SORCS1: variants seen among roughly 807,000 people sequenced by gnomAD.
SORCS1 encodes the protein sortilin related VPS10 domain containing receptor 1, also known as VPS10 domain-containing receptor SorCS1.
A neutral mutation model predicts 146.1 loss-of-function variants in SORCS1; 60 were observed. The ratio of observed to expected loss-of-function variants is 0.41; its 90% CI spans 0.33 to 0.51. The LOEUF is 0.51. SORCS1 is among the 20% of genes least tolerant of loss of function. The pLI is 0.21. For synonymous variants in SORCS1, 637 were observed against 584.0 expected (o/e 1.09, Z -1.31); for missense variants, 1,352 against 1,487.6 (o/e 0.91, Z 1.50).
chr10:107,080,629 A>G (rs1229670310), intron 1 of SORCS1, among the ~76,000 whole-genome samples: 1 of 152,218 alleles, frequency 6.6e-6, no homozygotes, highest in African/African-American at 2.4e-5. Flanking sequence ...AACCGACACA[A>G]TAAGAAAGTA....
chr10:107,003,878 T>A (rs1485305239), intron 1 of SORCS1, among the ~76,000 whole-genome samples: 1 of 152,062 alleles, frequency 6.6e-6, no homozygotes, highest in African/African-American at 2.4e-5. Flanking sequence ...AAATCCCTTT[T>A]TAAAGCAGAG....
rs76058890 is a variant in SORCS1 at position 107,158,998 on chromosome 10, T to C, written c.558+4971A>G. Among the ~76,000 whole-genome samples, 1,033 of 146,058 alleles carry C rather than the reference T, an allele frequency of 7.1e-3. 8 individuals carry two copies. The highest frequency in any genetic ancestry group is 0.024 in the African/African-American group (947 of 39,184). On this transcript the variant is annotated intron_variant, in intron 1 of 25. Transcript: ENST00000263054. ...GAGATTTTTACTTTCCAATTTCACA[T>C]GAGGCATTTTTTTGGGGGGGAAGGG...
chr10:106,994,193 G>A (rs1956900888), intron 1 of SORCS1, among the ~76,000 whole-genome samples: 1 of 151,696 alleles, frequency 6.6e-6, no homozygotes, highest in Non-Finnish European at 1.5e-5. Context: ...CTAGTCCCAA[G>A]GACTTTCAGG....
intron 24 of SORCS1, among the ~76,000 whole-genome samples, chr10:106,596,841 G>C (rs1173117657): frequency 1.3e-5 from 2 of 152,164 alleles, no homozygotes; most frequent in Non-Finnish European, 2.9e-5. Flanking sequence ...GCGGTTTGCT[G>C]ACAGTTTTTG....
At chr10:106,599,367 CA>C (rs531734833) in intron 23 of SORCS1, among the ~76,000 whole-genome samples, 70 of 116,464 alleles carry the variant, frequency 6.0e-4, no homozygotes, top group South Asian at 5.8e-4. Context: ...AACTCTAATT[CA>C]AAAAAAAAAA....
At chr10:106,727,783 C>T (rs780548898) in intron 6 of SORCS1, among the ~76,000 whole-genome samples, 7 of 152,040 alleles carry the variant, frequency 4.6e-5, no homozygotes, top group Non-Finnish European at 8.8e-5. Context: ...CAATTATGCT[C>T]GATTGGTCAG....
At chr10:107,135,818 C>G (rs1036695827) in intron 1 of SORCS1, among the ~76,000 whole-genome samples, 2 of 152,098 alleles carry the variant, frequency 1.3e-5, no homozygotes, top group African/African-American at 4.8e-5. Flanking sequence ...GTTTATGTTT[C>G]TTTTTTAAAG....
At chr10:106,954,250 T>C (rs1402382203) in intron 2 of SORCS1, among the ~76,000 whole-genome samples, 1 of 152,188 alleles carries the variant, frequency 6.6e-6, no homozygotes, top group African/African-American at 2.4e-5. Context: ...ATGCAGACTA[T>C]ACTTTATATG....
intron 2 of SORCS1, among the ~76,000 whole-genome samples, chr10:106,935,807 CT>C (rs1460181107): frequency 6.6e-6 from 1 of 152,230 alleles, no homozygotes; most frequent in Non-Finnish European, 1.5e-5. Flanking sequence ...ATACTATTTA[CT>C]TCTCACAGGA....
intron 17 of SORCS1, 97 bp from the exon 18 acceptor site, chr10:106,652,650 T>C: frequency 7.3e-7 from 1 of 1,362,704 alleles, no homozygotes; most frequent in Non-Finnish European, 1.0e-6. Context: ...CTGAGGACCA[T>C]CAGTAAGCAC....
chr10:106,894,177 T>A (rs79675301), intron 2 of SORCS1, among the ~76,000 whole-genome samples: 3 of 152,264 alleles, frequency 2.0e-5, no homozygotes, highest in African/African-American at 7.2e-5. Context: ...TGATGTAACT[T>A]AATGAACAGC....
chr10:106,595,986 C>G (rs1311599087), intron 24 of SORCS1, among the ~76,000 whole-genome samples: 1 of 152,156 alleles, frequency 6.6e-6, no homozygotes, highest in African/African-American at 2.4e-5. Context: ...AGACACTATC[C>G]TAAGTGCATT....
intron 10 of SORCS1, among the ~76,000 whole-genome samples, chr10:106,686,499 T>A (rs1356023973): frequency 6.6e-6 from 1 of 152,196 alleles, no homozygotes; most frequent in African/African-American, 2.4e-5. Context: ...CATCTTTGGT[T>A]AAGCAGCACT....
At chr10:107,070,384 G>A (rs1483935289) in intron 1 of SORCS1, among the ~76,000 whole-genome samples, 1 of 152,120 alleles carries the variant, frequency 6.6e-6, no homozygotes, top group Non-Finnish European at 1.5e-5. Context: ...CTATCAAAGT[G>A]GTTTTCACAG....
intron 2 of SORCS1, among the ~76,000 whole-genome samples, chr10:106,857,684 T>A (rs1292666443): frequency 6.6e-6 from 1 of 152,192 alleles, no homozygotes; most frequent in Non-Finnish European, 1.5e-5. Flanking sequence ...TGAGTCGACA[T>A]TTAAATAACT....
intron 2 of SORCS1, among the ~76,000 whole-genome samples, chr10:106,844,909 A>G (rs2137192932): frequency 6.7e-6 from 1 of 149,510 alleles, no homozygotes; most frequent in East Asian, 2.0e-4. Flanking sequence ...AAGGACATGA[A>G]CTCATCATTT....
intron 2 of SORCS1, among the ~76,000 whole-genome samples, chr10:106,864,643 A>G (rs1311939759): frequency 6.6e-6 from 1 of 151,932 alleles, no homozygotes; most frequent in Non-Finnish European, 1.5e-5. Flanking sequence ...TACTCCCACA[A>G]CACATCAGGA....
At chr10:106,679,217 A>G in intron 12 of SORCS1, 39 bp downstream of exon 12, 1 of 1,546,020 alleles carries the variant, frequency 6.5e-7, no homozygotes, top group Non-Finnish European at 8.9e-7. Context: ...TTTTTATGTT[A>G]CTTAAACTTC....
At chr10:106,620,249 A>G in intron 20 of SORCS1, 179 bp downstream of exon 20, 2 of 201,202 alleles carry the variant, frequency 9.9e-6, no homozygotes, top group South Asian at 3.0e-4. Context: ...GAGAGGGGCC[A>G]GAGAGAGAGA....
Sources: gnomAD v4.1 joint callset for allele counts (sites outside exome capture counted in the v4.1 genomes callset) on GRCh38, gnomAD v4.1.1 for gene constraint, MANE v1.5 for transcripts, NCBI Gene and HGNC (gene_info 2026-07-23, HGNC 2026-07-21) for gene names.